NRG3: variants seen among roughly 807,000 people sequenced by gnomAD.
NRG3 encodes the protein neuregulin 3.
In NRG3, 31 loss-of-function variants were observed where a neutral mutation model predicts 66.9. That is an observed-to-expected ratio of 0.46 (90% CI 0.35 to 0.63). The LOEUF (loss-of-function observed/expected upper bound fraction) is 0.63. Ranked by LOEUF, NRG3 falls within the 20% of genes least tolerant of loss-of-function variation. The probability of loss-of-function intolerance (pLI) is 0.00; values close to 1 mark genes in which losing one functional copy is unlikely to be tolerated. For synonymous variants in NRG3, 393 were observed against 359.4 expected, an observed-to-expected ratio of 1.09 and a Z score of -1.06; for missense variants, 910 against 878.9, an observed-to-expected ratio of 1.04 and a Z score of -0.45.
intron 2 of NRG3, among the ~76,000 whole-genome samples, chr10:82,556,172 A>G (rs2044636550): frequency 6.6e-6 from 1 of 152,148 alleles, no homozygotes; most frequent in Non-Finnish European, 1.5e-5. Context: ...CTCAGGCTGT[A>G]TTTCACAATC....
intron 1 of NRG3, among the ~76,000 whole-genome samples, chr10:81,891,427 C>G (rs1318895522): frequency 6.6e-6 from 1 of 152,048 alleles, no homozygotes; most frequent in Non-Finnish European, 1.5e-5. Context: ...TGTAGATTAT[C>G]CAGGCTTGTT....
At chr10:82,199,647 G>T (rs1176530189) in intron 1 of NRG3, among the ~76,000 whole-genome samples, 1 of 152,012 alleles carries the variant, frequency 6.6e-6, no homozygotes, top group Non-Finnish European at 1.5e-5. Context: ...CTTCTGTATG[G>T]TGACACAATA....
intron 1 of NRG3, among the ~76,000 whole-genome samples, chr10:82,044,457 C>A (rs1054499999): frequency 1.4e-4 from 22 of 151,864 alleles, no homozygotes; most frequent in African/African-American, 4.8e-4. Flanking sequence ...ACAAGAATAT[C>A]CAGAGAAAAA....
chr10:82,970,008 T>C (rs573873218), intron 6 of NRG3, among the ~76,000 whole-genome samples: 1 of 152,328 alleles, frequency 6.6e-6, no homozygotes, highest in East Asian at 1.9e-4. Context: ...TTCTTTTCAA[T>C]GGCTGTGTAG....
At chr10:82,055,875 A>G (rs2063823317) in intron 1 of NRG3, among the ~76,000 whole-genome samples, 1 of 152,172 alleles carries the variant, frequency 6.6e-6, no homozygotes, top group East Asian at 1.9e-4. Flanking sequence ...AAGGAGTGAA[A>G]TGCATGGTAG....
At chr10:82,751,434 A>G (rs1414789841) in intron 3 of NRG3, among the ~76,000 whole-genome samples, 1 of 152,192 alleles carries the variant, frequency 6.6e-6, no homozygotes, top group Non-Finnish European at 1.5e-5. Flanking sequence ...TTAGTTGTCC[A>G]GGAACACATT....
chr10:82,082,548 A>C (rs1401576209), intron 1 of NRG3, among the ~76,000 whole-genome samples: 1 of 151,926 alleles, frequency 6.6e-6, no homozygotes, highest in African/African-American at 2.4e-5. Context: ...GTAGAATATG[A>C]CTCTGTGGAT....
At chr10:82,491,946 CA>C (rs745726374) in intron 2 of NRG3, among the ~76,000 whole-genome samples, 8 of 152,178 alleles carry the variant, frequency 5.3e-5, no homozygotes, top group Non-Finnish European at 8.8e-5. Context: ...TAGAATCATT[CA>C]TAAGTATTTT....
rs1323913788 is a variant in NRG3 at position 81,998,029 on chromosome 10, C to T, written c.823+121866C>T. ...CTTCATGTGTGATAATGTGTAGCCT[C>T]TACTTCAACTGTCTTCTAGGTGGCA... is the stretch of plus-strand genomic sequence containing the variant. On this transcript the variant is annotated intron_variant, in intron 1 of 8. Coordinates refer to ENST00000372141, the MANE Select transcript of NRG3 (RefSeq NM_001010848.4). Among the ~76,000 whole-genome samples the T allele has an allele frequency of 1.5e-4, 23 of 152,130 alleles. 1 individual carries two copies. Among genetic ancestry groups the T allele is most frequent in the Admixed American group, 1.5e-3 (23 of 15,258 alleles).
chr10:82,924,108 A>G (rs1312994971), intron 4 of NRG3, among the ~76,000 whole-genome samples: 1 of 139,724 alleles, frequency 7.2e-6, no homozygotes, highest in Non-Finnish European at 1.5e-5. Flanking sequence ...AAAAAAAAAA[A>G]AGGTAGAAAG....
chr10:82,401,765 G>A (rs2087122840), intron 2 of NRG3, among the ~76,000 whole-genome samples: 1 of 151,926 alleles, frequency 6.6e-6, no homozygotes, highest in Non-Finnish European at 1.5e-5. Flanking sequence ...GAATTAAATT[G>A]CTTTTGATAT....
chr10:82,646,474 T>C (rs911874141), intron 2 of NRG3, among the ~76,000 whole-genome samples: 2 of 152,208 alleles, frequency 1.3e-5, no homozygotes, highest in Admixed American at 6.5e-5. Context: ...TCCTGTTCTT[T>C]CTGCAAGTAC....
chr10:82,525,444 A>G (rs1846604673), intron 2 of NRG3, among the ~76,000 whole-genome samples: 2 of 151,920 alleles, frequency 1.3e-5, no homozygotes, highest in Admixed American at 1.3e-4. Context: ...TTTAAAAATC[A>G]GCTTTCGTAT....
At chr10:82,074,438 C>T (rs1056315158) in intron 1 of NRG3, among the ~76,000 whole-genome samples, 1 of 152,114 alleles carries the variant, frequency 6.6e-6, no homozygotes, top group African/African-American at 2.4e-5. Context: ...GACATGATCT[C>T]ATTTGTATTT....
At chr10:82,682,528 T>A (rs7898189) in intron 2 of NRG3, among the ~76,000 whole-genome samples, 2 of 152,144 alleles carry the variant, frequency 1.3e-5, no homozygotes, top group African/African-American at 2.4e-5. Context: ...TTAGGGTAAA[T>A]AATAGTGCTT....
chr10:81,932,544 A>G (rs1042381329), intron 1 of NRG3, among the ~76,000 whole-genome samples: 1 of 152,200 alleles, frequency 6.6e-6, no homozygotes, highest in Non-Finnish European at 1.5e-5. Context: ...ATTTGGAACA[A>G]TATATTTTAT....
intron 2 of NRG3, among the ~76,000 whole-genome samples, chr10:82,433,022 C>T (rs1027478575): frequency 1.3e-5 from 2 of 152,128 alleles, no homozygotes; most frequent in Admixed American, 6.5e-5. Context: ...GGTTCTAGAT[C>T]GTTGAGGAAT....
chr10:81,979,280 C>G (rs987851271), intron 1 of NRG3, among the ~76,000 whole-genome samples: 1 of 151,868 alleles, frequency 6.6e-6, no homozygotes. Flanking sequence ...ATTTCCTCCA[C>G]AGAGTCTCTA....
At chr10:82,165,012 A>G (rs183632939) in intron 1 of NRG3, among the ~76,000 whole-genome samples, 1 of 152,266 alleles carries the variant, frequency 6.6e-6, no homozygotes, top group Admixed American at 6.5e-5. Context: ...ATTTATTAAA[A>G]CATGGTATGT....
Sources: allele counts gnomAD v4.1 joint callset (sites outside exome capture counted in the v4.1 genomes callset), GRCh38; gene constraint gnomAD v4.1.1; transcripts MANE v1.5; gene names NCBI Gene and HGNC (gene_info 2026-07-23, HGNC 2026-07-21).